The following RMDN2 variants were observed in gnomAD, a reference collection of about 807,000 sequenced individuals.
RMDN2 encodes the protein regulator of microtubule dynamics 2.
In RMDN2, 61 loss-of-function variants were observed where a neutral mutation model predicts 52.8. The ratio of observed to expected loss-of-function variants is 1.16; its 90% CI spans 0.94 to 1.43. The LOEUF (loss-of-function observed/expected upper bound fraction) is 1.43, where lower values mean the gene tolerates loss of function less well. RMDN2 is among the 40% of genes most tolerant of loss of function. The pLI is 0.00. For synonymous variants in RMDN2, 180 were observed against 153.1 expected (o/e 1.18, Z -1.30); for missense variants, 592 against 475.3 (o/e 1.25, Z -2.28).
chr2:37,988,113 A>G (rs777825175), intron 5 of RMDN2, among the ~76,000 whole-genome samples: 8 of 152,190 alleles, frequency 5.3e-5, no homozygotes, highest in Non-Finnish European at 8.8e-5. Flanking sequence ...TAGGAGATAT[A>G]TGGGAATCCT....
intron 2 of RMDN2, among the ~76,000 whole-genome samples, chr2:37,961,186 G>C (rs906358714): frequency 1.3e-5 from 2 of 152,054 alleles, no homozygotes; most frequent in African/African-American, 4.8e-5. Flanking sequence ...TCTTCTCGAG[G>C]AGTATCTTTG....
Position 38,055,372 on chromosome 2 carries a change from C to G in RMDN2, c.1714-11610C>G, listed in dbSNP as rs115497492. On this transcript the variant is annotated intron_variant, in intron 10 of 10. Transcript: ENST00000234195. ...GCCTGCCTCAACCTACCTCCCCAAC[C>G]TCACCCTCACCCTATATACATAGCT... 2.4e-3 allele frequency among the ~76,000 whole-genome samples: 367 copies of G among 152,216 alleles called. 2 individuals are homozygous for G. The highest frequency in any genetic ancestry group is 8.6e-3 in the African/African-American group (359 of 41,550).
intron 5 of RMDN2, among the ~76,000 whole-genome samples, chr2:37,982,369 C>G (rs1212130400): frequency 6.6e-6 from 1 of 152,174 alleles, no homozygotes; most frequent in South Asian, 2.1e-4. Context: ...CTCAAAGGGA[C>G]ACATGCCAAA....
chr2:37,975,110 A>T (rs1672292603), intron 3 of RMDN2, 102 bp from the exon 4 acceptor site: 1 of 704,896 alleles, frequency 1.4e-6, no homozygotes, highest in Non-Finnish European at 2.6e-6. Flanking sequence ...TATAAATACC[A>T]GTTTACCTGC....
At chr2:37,941,216 C>A (rs1373481717) in intron 2 of RMDN2, among the ~76,000 whole-genome samples, 1 of 152,188 alleles carries the variant, frequency 6.6e-6, no homozygotes, top group Non-Finnish European at 1.5e-5. Context: ...TGGGTATCAC[C>A]AGTGAAGGCT....
chr2:38,046,336 G>A (rs541688527), intron 10 of RMDN2, among the ~76,000 whole-genome samples: 74 of 152,204 alleles, frequency 4.9e-4, no homozygotes, highest in African/African-American at 1.8e-3. Context: ...AAACTATGCT[G>A]TTCCAGGGAA....
intron 10 of RMDN2, among the ~76,000 whole-genome samples, chr2:38,037,699 C>A (rs1203153520): frequency 6.6e-6 from 1 of 152,170 alleles, no homozygotes; most frequent in Non-Finnish European, 1.5e-5. Context: ...AAAGTGTGTT[C>A]GGCTTCCCGT....
chr2:37,952,085 T>C (rs139079344), intron 2 of RMDN2: 39 of 1,613,184 alleles, frequency 2.4e-5, no homozygotes, highest in Non-Finnish European at 3.1e-5. Flanking sequence ...ATAAAAATTC[T>C]GGTTGCTTTA....
At chr2:38,042,680 C>A (rs1050135682) in intron 10 of RMDN2, among the ~76,000 whole-genome samples, 3 of 152,098 alleles carry the variant, frequency 2.0e-5, no homozygotes, top group African/African-American at 4.8e-5. Flanking sequence ...CTGCATCCCA[C>A]AAGTTTTGAT....
chr2:38,013,948 T>G (rs1321183291), intron 10 of RMDN2, among the ~76,000 whole-genome samples: 1 of 152,204 alleles, frequency 6.6e-6, no homozygotes, highest in Non-Finnish European at 1.5e-5. Flanking sequence ...GGCTCACGCC[T>G]GTAATCCCAG....
At chr2:37,987,773 A>C (rs555649933) in intron 5 of RMDN2, among the ~76,000 whole-genome samples, 99 of 152,258 alleles carry the variant, frequency 6.5e-4, no homozygotes, top group African/African-American at 2.3e-3. Flanking sequence ...TAGTGGGGGA[A>C]GTTGGCCAGG....
At chr2:38,037,708 G>A (rs529746945) in intron 10 of RMDN2, among the ~76,000 whole-genome samples, 5 of 152,294 alleles carry the variant, frequency 3.3e-5, no homozygotes, top group Admixed American at 2.6e-4. Flanking sequence ...TCGGCTTCCC[G>A]TTGGCTATTG....
At chr2:37,961,391 G>T (rs1670217883) in intron 2 of RMDN2, among the ~76,000 whole-genome samples, 2 of 151,636 alleles carry the variant, frequency 1.3e-5, no homozygotes, top group East Asian at 1.9e-4. Flanking sequence ...TTGTTCCTTT[G>T]CATTCTTTTT....
At chr2:38,034,821 T>C (rs1159927910) in intron 10 of RMDN2, among the ~76,000 whole-genome samples, 1 of 70,082 alleles carries the variant, frequency 1.4e-5, no homozygotes, top group Non-Finnish European at 2.4e-5. Flanking sequence ...TTCTTGATTT[T>C]AAAATTTAAT....
chr2:38,024,048 C>A (rs555650382), intron 10 of RMDN2, among the ~76,000 whole-genome samples: 1 of 152,112 alleles, frequency 6.6e-6, no homozygotes, highest in South Asian at 2.1e-4. Context: ...GTTATACACC[C>A]CTTTGTCTGA....
chr2:37,987,395 G>T (rs1469411583), intron 5 of RMDN2, among the ~76,000 whole-genome samples: 2 of 152,116 alleles, frequency 1.3e-5, no homozygotes, highest in Admixed American at 6.5e-5. Context: ...AAAAGATGTG[G>T]AGGAACCTTA....
At chr2:37,927,232 C>T (rs1214528253) in intron 1 of RMDN2, among the ~76,000 whole-genome samples, 2 of 152,198 alleles carry the variant, frequency 1.3e-5, no homozygotes, top group East Asian at 1.9e-4. Context: ...CCTTCACCTC[C>T]TTGTTGATGC....
upstream of RMDN2, chr2:37,925,205 A>G (rs1666165541): frequency 6.6e-6 from 1 of 152,162 alleles, no homozygotes; most frequent in Admixed American, 6.5e-5. Context: ...CAGTCCCGGT[A>G]GAGTTGAACC....
downstream of RMDN2, among the ~76,000 whole-genome samples, chr2:38,019,829 G>A (rs1390865488): frequency 1.3e-5 from 2 of 152,144 alleles, no homozygotes; most frequent in African/African-American, 4.8e-5. Flanking sequence ...GGAGGCTGAG[G>A]TGGGAGGATT....
Sources: allele counts gnomAD v4.1 joint callset (sites outside exome capture counted in the v4.1 genomes callset), GRCh38; gene constraint gnomAD v4.1.1; transcripts MANE v1.5; gene names NCBI Gene and HGNC (gene_info 2026-07-23, HGNC 2026-07-21).